Variants in ARHGAP23 observed in about 807,000 individuals in gnomAD.
The protein encoded by ARHGAP23 is rho GTPase-activating protein 23.
A neutral mutation model predicts 136.3 loss-of-function variants in ARHGAP23; 34 were observed. That is an observed-to-expected ratio of 0.25 (90% CI 0.19 to 0.33). ARHGAP23 has a LOEUF of 0.33. Among genes scored for constraint, ARHGAP23 ranks in the 10% least tolerant of loss-of-function variants. The pLI, the probability that ARHGAP23 is intolerant of heterozygous loss-of-function variation, is 1.00. For missense variants in ARHGAP23, 1,808 were observed against 2,139.0 expected, an observed-to-expected ratio of 0.85 and a Z score of 3.05; for synonymous variants, 832 against 920.5, an observed-to-expected ratio of 0.90 and a Z score of 1.74.
intron 20 of ARHGAP23, among the ~76,000 whole-genome samples, chr17:38,493,162 GTTTT>G (rs1567822411): frequency 6.6e-6 from 1 of 151,846 alleles, no homozygotes; most frequent in African/African-American, 2.4e-5. Context: ...GTCAGGCTGG[GTTTT>G]CTTTCTCTTT....
chr17:38,508,809 T>C (rs1240603986), intron 23 of ARHGAP23, among the ~76,000 whole-genome samples: 1 of 151,896 alleles, frequency 6.6e-6, no homozygotes, highest in Non-Finnish European at 1.5e-5. Context: ...GTAGGTAGGA[T>C]GCTGTGGTTC....
rs545902117 is a variant in ARHGAP23, at chr17:38,457,624, G to A, written c.64-478G>A. 28 of 183,444 alleles carry A rather than the reference G, an allele frequency of 1.5e-4. No homozygotes were observed. The South Asian group carries it at 2.1e-3, about 14-fold the overall frequency. 11.4% of individuals were successfully genotyped at this position (183,444 alleles called of 1,614,324 possible). A position where few individuals can be genotyped will look rare whatever the true frequency, so the allele number is the denominator to read the frequency against. On this transcript the variant is annotated intron_variant, in intron 1 of 23. Coordinates refer to ENST00000622683, the MANE Select transcript of ARHGAP23 (RefSeq NM_001199417.2). The stretch of plus-strand genomic sequence containing the variant: ...TGTCTGTATGTTTGTGGTATGTTCC[G>A]TCTACATGAGTGTATGTGGCTGGGG...
intron 8 of ARHGAP23, 28 bp from the exon 9 acceptor site, chr17:38,469,496 C>T: frequency 6.5e-7 from 1 of 1,542,240 alleles, no homozygotes; most frequent in South Asian, 1.2e-5. Flanking sequence ...CCCGCTGACC[C>T]TGAGGCCCGA....
intron 6 of ARHGAP23, among the ~76,000 whole-genome samples, chr17:38,464,167 C>T (rs1185371798): frequency 6.6e-6 from 1 of 152,184 alleles, no homozygotes; most frequent in African/African-American, 2.4e-5. Flanking sequence ...ACCCGTGTCA[C>T]AGGACTCCAA....
intron 17 of ARHGAP23, among the ~76,000 whole-genome samples, chr17:38,486,944 G>GTGTA (rs752021903): frequency 2.0e-5 from 3 of 152,228 alleles, no homozygotes; most frequent in Non-Finnish European, 2.9e-5. Flanking sequence ...CCTGCGTGGG[G>GTGTA]TTTGGATTTG....
At chr17:38,479,188 C>T (rs1280402811) in intron 12 of ARHGAP23, among the ~76,000 whole-genome samples, 1 of 152,180 alleles carries the variant, frequency 6.6e-6, no homozygotes, top group African/African-American at 2.4e-5. Flanking sequence ...TGCACCCGGC[C>T]CTGAGCCTTC....
intron 2 of ARHGAP23, 115 bp from the exon 3 acceptor site, chr17:38,460,790 T>G: frequency 1.3e-6 from 2 of 1,532,574 alleles, no homozygotes; most frequent in Middle Eastern, 1.9e-4. Flanking sequence ...CTGGGCTACT[T>G]GGGAGGAGAT....
In ARHGAP23 at chr17:38,510,069, C is replaced by A; in HGVS notation, c.3573C>A (p.Asp1191Glu). The A allele has an allele frequency of 1.6e-6, 2 of 1,240,108 alleles. No individual in the cohort carries two copies. The highest frequency in any genetic ancestry group is 2.0e-6 in the Non-Finnish European group (2 of 993,264). 76.8% of individuals were successfully genotyped at this position (1,240,108 alleles called of 1,614,324 possible). Residue 1191 changes from aspartate (D) to glutamate (E), a missense_variant, in exon 24 of 24, where the codon GAC (aspartate) becomes GAA (glutamate). Physicochemically the swap from Asp to Glu is conservative, Grantham distance 45. This residue lies in a region of ARHGAP23 where 104 missense variants were observed against 131.8 expected (regional missense o/e 0.79). Transcript: ENST00000622683. This position sits in a 1 kb window ranked among gnomAD's most constrained non-coding sequence, Gnocchi z 4.6. ...GGGGGCTGGGCAGCAGCACCGACGACGACTCGGAGCAGGAGGCGCACAAGC... is the reference window on the plus strand; with the variant it reads ...GGGGGCTGGGCAGCAGCACCGACGAAGACTCGGAGCAGGAGGCGCACAAGC... ...EARGLGSSTD[D>E]DSEQEAHKPG...
intron 1 of ARHGAP23, among the ~76,000 whole-genome samples, chr17:38,437,932 A>G (rs1012695922): frequency 1.5e-4 from 23 of 152,164 alleles, no homozygotes; most frequent in Non-Finnish European, 7.4e-5. Flanking sequence ...GGTTCTGTCA[A>G]TAAACATGGC....
At chr17:38,490,291 G>A (rs375595694) in intron 18 of ARHGAP23, 116 bp downstream of exon 18, 3 of 1,203,298 alleles carry the variant, frequency 2.5e-6, no homozygotes, top group Non-Finnish European at 3.6e-6. Context: ...GAGAAGCCCC[G>A]CTCCACTCAG....
chr17:38,501,865 T>C (rs1305975254), intron 23 of ARHGAP23, among the ~76,000 whole-genome samples: 1 of 151,192 alleles, frequency 6.6e-6, no homozygotes, highest in Non-Finnish European at 1.5e-5. Context: ...AACAATTTAC[T>C]TTAATAATTT....
At chr17:38,460,768 C>G in intron 2 of ARHGAP23, 137 bp from the exon 3 acceptor site, 1 of 1,519,258 alleles carries the variant, frequency 6.6e-7, no homozygotes, top group African/African-American at 1.4e-5. Context: ...ACCCCTCCCG[C>G]ACCCTCCCCT....
At position 38,466,791 on chromosome 17, in the gene ARHGAP23, C is replaced by G; in HGVS notation, c.1108C>G (p.Leu370Val). Reference protein sequence around the residue: ...RSAEALGPGALVSPRFERCGW... With the variant: ...RSAEALGPGAVVSPRFERCGW... ...TGCCGAGGCACTGGGGCCAGGGGCACTGGTGTCACCCCGCTTTGAGCGGTG... is the reference window on the plus strand; with the variant it reads ...TGCCGAGGCACTGGGGCCAGGGGCAGTGGTGTCACCCCGCTTTGAGCGGTG... Residue 370 changes from leucine (L) to valine (V), a missense_variant, in exon 7 of 24, where the codon CTG becomes GTG. Coordinates refer to ENST00000622683, the MANE Select transcript of ARHGAP23 (RefSeq NM_001199417.2). 6.5e-7 allele frequency: 1 copy of G among 1,549,382 alleles called. No homozygotes were observed. Among genetic ancestry groups the G allele is most frequent in the Non-Finnish European group, 8.7e-7 (1 of 1,146,488 alleles).
intron 18 of ARHGAP23, 124 bp from the exon 19 acceptor site, chr17:38,490,338 G>T: frequency 2.7e-6 from 3 of 1,097,600 alleles, no homozygotes; most frequent in Non-Finnish European, 2.7e-6. Flanking sequence ...AGAACGGGGG[G>T]TTAGAGGATA....
intron 1 of ARHGAP23, among the ~76,000 whole-genome samples, chr17:38,436,738 C>A (rs1286146427): frequency 6.6e-6 from 1 of 152,234 alleles, no homozygotes; most frequent in Non-Finnish European, 1.5e-5. Context: ...CAGAACACCC[C>A]TCAGGGGCCC....
chr17:38,419,668 C>A (rs146355533), intron 1 of ARHGAP23, among the ~76,000 whole-genome samples: 2,940 of 152,200 alleles, frequency 0.019, 36 homozygotes, highest in Middle Eastern at 0.031. Flanking sequence ...GCACCTCTCT[C>A]CCCACCCCCT....
At chr17:38,478,563 T>C (rs2039955181) in intron 12 of ARHGAP23, among the ~76,000 whole-genome samples, 1 of 152,076 alleles carries the variant, frequency 6.6e-6, no homozygotes, top group Non-Finnish European at 1.5e-5. Context: ...TATAGGCGCA[T>C]GCCACCATGC....
chr17:38,496,398 C>T (rs1484706659), intron 20 of ARHGAP23, among the ~76,000 whole-genome samples: 2 of 151,990 alleles, frequency 1.3e-5, no homozygotes, highest in African/African-American at 4.8e-5. Flanking sequence ...CTCTTGAGCC[C>T]AGGAGTTCAA....
intron 22 of ARHGAP23, among the ~76,000 whole-genome samples, chr17:38,499,674 G>A (rs554872178): frequency 1.3e-3 from 202 of 152,248 alleles, no homozygotes; most frequent in African/African-American, 4.7e-3. Context: ...GCCGCCCCCC[G>A]CGCCCTGTGT....
Sources: gnomAD v4.1 joint callset for allele counts (sites outside exome capture counted in the v4.1 genomes callset) on GRCh38, gnomAD v4.1.1 for gene constraint, gnomAD v4.1.1 regional missense constraint, Gnocchi (gnomAD v3.1) non-coding constraint, MANE v1.5 for transcripts, NCBI Gene and HGNC (gene_info 2026-07-23, HGNC 2026-07-21) for gene names.